The following GLIS1 variants were observed in gnomAD, a reference collection of about 807,000 sequenced individuals.
The protein encoded by GLIS1 is GLIS family zinc finger 1, also known as zinc finger protein GLIS1.
A neutral mutation model predicts 63.8 loss-of-function variants in GLIS1; 24 were observed. That is an observed-to-expected ratio of 0.38 (90% CI 0.27 to 0.53). The LOEUF (loss-of-function observed/expected upper bound fraction) is 0.53. Ranked by LOEUF, GLIS1 falls within the 20% of genes least tolerant of loss-of-function variation. The pLI is 0.85. For missense variants in GLIS1, 1,036 were observed against 1,074.1 expected, an observed-to-expected ratio of 0.96 and a Z score of 0.50; for synonymous variants, 450 against 482.5, an observed-to-expected ratio of 0.93 and a Z score of 0.88.
intron 2 of GLIS1, among the ~76,000 whole-genome samples, chr1:53,726,177 G>A (rs994990089): frequency 6.6e-6 from 1 of 152,112 alleles, no homozygotes; most frequent in Non-Finnish European, 1.5e-5. Flanking sequence ...GTGATGAGTG[G>A]GTAACATTGG....
chr1:53,587,211 C>A (rs1198304782), intron 4 of GLIS1, among the ~76,000 whole-genome samples: 1 of 152,106 alleles, frequency 6.6e-6, no homozygotes, highest in Admixed American at 6.5e-5. Context: ...AGCAGGCATC[C>A]CTGGGTTGCT....
rs991412684 is a variant in GLIS1, at chr1:53,598,593, C to T, written c.437+1508G>A. 5.9e-5 allele frequency among the ~76,000 whole-genome samples: 9 copies of T among 152,010 alleles called. No homozygotes were observed. Among genetic ancestry groups the T allele is most frequent in the African/African-American group, 1.2e-4 (5 of 41,378 alleles). ...GAGGGATGGCCACGTGAGTACTCAG[C>T]GACAAGGCGGTCATCTGCGAGCTAA... On this transcript the variant is annotated intron_variant, in intron 3 of 10. Coordinates refer to ENST00000628545, the MANE Select transcript of GLIS1 (RefSeq NM_001367484.1). This position sits in a 1 kb window ranked among gnomAD's most constrained non-coding sequence, Gnocchi z 4.6.
At chr1:53,594,007 C>T in intron 4 of GLIS1, 101 bp downstream of exon 4, 15 of 1,359,672 alleles carry the variant, frequency 1.1e-5, no homozygotes, top group Non-Finnish European at 1.5e-5. Flanking sequence ...TCTCAGCCAG[C>T]CCAGAGGACG....
intron 2 of GLIS1, among the ~76,000 whole-genome samples, chr1:53,615,907 C>T (rs1330798831): frequency 6.6e-6 from 1 of 152,036 alleles, no homozygotes; most frequent in African/African-American, 2.4e-5. Flanking sequence ...CGCAACCACA[C>T]CTGGCTAATT....
At chr1:53,701,732 C>A (rs1182302569) in intron 2 of GLIS1, among the ~76,000 whole-genome samples, 3 of 152,154 alleles carry the variant, frequency 2.0e-5, no homozygotes, top group African/African-American at 7.2e-5. Flanking sequence ...GTGGCTCATG[C>A]CTGTAATCCC....
At chr1:53,728,583 C>T (rs921527637) in intron 2 of GLIS1, among the ~76,000 whole-genome samples, 1 of 152,170 alleles carries the variant, frequency 6.6e-6, no homozygotes, top group African/African-American at 2.4e-5. Flanking sequence ...AATCAGCACC[C>T]TATACATTTC....
In GLIS1 at chr1:53,526,385, G is replaced by C. The variant is rs1644468969; in HGVS notation, c.1483-1498C>G. Among the ~76,000 whole-genome samples, 3 of 152,186 alleles carry C rather than the reference G, an allele frequency of 2.0e-5. No homozygotes were observed. The South Asian group carries it at 6.2e-4, about 32-fold the overall frequency. ...TGGAGAGTTGCCAGATTAAAGAAAC[G>C]GAGGAGAGCAAAAAGAGAGAGACAG... On this transcript the variant is annotated intron_variant, in intron 5 of 10. Coordinates refer to ENST00000628545, the MANE Select transcript of GLIS1 (RefSeq NM_001367484.1). This position sits in a 1 kb window ranked among gnomAD's most constrained non-coding sequence, Gnocchi z 4.4.
At chr1:53,538,036 C>A (rs988038547) in intron 4 of GLIS1, among the ~76,000 whole-genome samples, 1 of 152,228 alleles carries the variant, frequency 6.6e-6, no homozygotes, top group East Asian at 1.9e-4. Flanking sequence ...AAGCTGGGCA[C>A]TGAGGGCCGC....
chr1:53,648,173 C>CA (rs1032332868), intron 2 of GLIS1, among the ~76,000 whole-genome samples: 6 of 149,038 alleles, frequency 4.0e-5, no homozygotes, highest in African/African-American at 1.3e-4. Context: ...AACCCTGTCT[C>CA]AAAAAAAAAT....
At chr1:53,678,326 TGAG>T (rs1292653494) in intron 2 of GLIS1, among the ~76,000 whole-genome samples, 71 of 4,778 alleles carry the variant, frequency 0.015, no homozygotes, top group East Asian at 0.034. Context: ...TGCAGGAGGG[TGAG>T]GGGGGGGGGG....
Position 53,609,331 on chromosome 1 carries a change from T to C in GLIS1, c.260-9053A>G, listed in dbSNP as rs528504563. ...CTCTGTCGCCCAGGCTGGAGTGCAGTCGTGCGATCTTGGCTCACTGCAACC... is the reference window on the plus strand; with the variant it reads ...CTCTGTCGCCCAGGCTGGAGTGCAGCCGTGCGATCTTGGCTCACTGCAACC... On this transcript the variant is annotated intron_variant, in intron 2 of 10. Transcript: ENST00000628545. Among the ~76,000 whole-genome samples, 490 of 126,082 alleles carry C rather than the reference T, an allele frequency of 3.9e-3. 4 individuals are homozygous for C. Among genetic ancestry groups the C allele is most frequent in the African/African-American group, 0.014 (470 of 34,416 alleles). The allele number at this position is 126,082 out of a possible 152,430, so 82.7% of individuals were successfully genotyped here.
In GLIS1 at chr1:53,594,171, G is replaced by C; in HGVS notation, c.1257C>G (p.Asn419Lys). ...AGCVRRYKPF[N>K]ARYKLLIHMR... ...TGTGGATGAGCAGCTTGTAGCGGGC[G>C]TTGAAGGGCTTGTAGCGGCGCACGC... The change falls in exon 4 of 11, where the codon AAC (asparagine) becomes AAG (lysine). Residue 419 changes from asparagine to lysine, a missense_variant. Physicochemically the swap from Asn to Lys is moderately conservative, Grantham distance 94 (BLOSUM62 0). Around this residue, in one of 3 missense-constraint regions of GLIS1, gnomAD observed 592 missense variants for 593.9 expected, o/e 1.00. Transcript: ENST00000628545. 1 of 1,613,950 alleles carries C rather than the reference G, an allele frequency of 6.2e-7. No homozygotes were observed. Among genetic ancestry groups the C allele is most frequent in the South Asian group, 1.1e-5 (1 of 91,084 alleles).
At chr1:53,567,061 A>T (rs1644942292) in intron 4 of GLIS1, among the ~76,000 whole-genome samples, 1 of 152,232 alleles carries the variant, frequency 6.6e-6, no homozygotes. Flanking sequence ...ATAGGAAGAT[A>T]TGGGAAAGTT....
chr1:53,649,850 T>C (rs1277392811), intron 2 of GLIS1, among the ~76,000 whole-genome samples: 2 of 152,238 alleles, frequency 1.3e-5, no homozygotes. Context: ...GTTAATCGAC[T>C]GTTTATGTTA....
At chr1:53,572,417 G>A (rs532084167) in intron 4 of GLIS1, among the ~76,000 whole-genome samples, 1 of 152,296 alleles carries the variant, frequency 6.6e-6, no homozygotes, top group Non-Finnish European at 1.5e-5. Flanking sequence ...CACTGGCAGG[G>A]CAAGGACCCA....
intron 2 of GLIS1, among the ~76,000 whole-genome samples, chr1:53,714,777 C>A (rs529314062): frequency 1.1e-4 from 16 of 152,230 alleles, no homozygotes; most frequent in African/African-American, 2.9e-4. Flanking sequence ...GATGGACAGG[C>A]GCAGCAAAGG....
At chr1:53,681,883 C>T (rs1646279104) in intron 2 of GLIS1, among the ~76,000 whole-genome samples, 1 of 151,796 alleles carries the variant, frequency 6.6e-6, no homozygotes, top group Admixed American at 6.6e-5. Context: ...CCATCTGCAC[C>T]CAGCCAGCAA....
intron 2 of GLIS1, among the ~76,000 whole-genome samples, chr1:53,608,013 G>C (rs765968870): frequency 4.0e-5 from 6 of 148,916 alleles, no homozygotes; most frequent in Admixed American, 2.0e-4. Context: ...CCAGGCTGGA[G>C]TGCAGTGGTG....
chr1:53,688,755 G>A (rs1646370006), intron 2 of GLIS1: 1 of 152,182 alleles, frequency 6.6e-6, no homozygotes, highest in Non-Finnish European at 1.5e-5. Context: ...GGGGGGGGAT[G>A]TTTTCTGGTG....
Sources: allele counts gnomAD v4.1 joint callset (sites outside exome capture counted in the v4.1 genomes callset), GRCh38; gene constraint gnomAD v4.1.1; regional missense constraint gnomAD v4.1.1; non-coding constraint Gnocchi (gnomAD v3.1); transcripts MANE v1.5; gene names NCBI Gene and HGNC (gene_info 2026-07-23, HGNC 2026-07-21).